The following KYNU variants were observed in gnomAD, a reference collection of about 807,000 sequenced individuals.
KYNU encodes the protein L-kynurenine hydrolase.
In KYNU, 54 loss-of-function variants were observed where a neutral mutation model predicts 59.2. The observed-to-expected ratio is 0.91, with a 90% confidence interval of 0.73 to 1.14. The LOEUF (loss-of-function observed/expected upper bound fraction) is 1.14. Ranked by LOEUF, KYNU falls within the 50% of genes most tolerant of loss-of-function variation. The pLI, the probability that KYNU is intolerant of heterozygous loss-of-function variation, is 0.00. For synonymous variants in KYNU, 177 were observed against 192.0 expected, an observed-to-expected ratio of 0.92 and a Z score of 0.65; for missense variants, 567 against 554.4, an observed-to-expected ratio of 1.02 and a Z score of -0.23.
intron 8 of KYNU, among the ~76,000 whole-genome samples, chr2:142,975,873 T>C (rs1684865548): frequency 6.6e-6 from 1 of 152,222 alleles, no homozygotes; most frequent in Non-Finnish European, 1.5e-5. Context: ...AAGTTAAAGA[T>C]ACTCATTTTT....
chr2:142,888,122 GA>G (rs1451774895), intron 2 of KYNU, among the ~76,000 whole-genome samples: 1 of 152,128 alleles, frequency 6.6e-6, no homozygotes, highest in Non-Finnish European at 1.5e-5. Flanking sequence ...ATAAGAGATA[GA>G]AATTGGTTTA....
chr2:143,021,903 T>A (rs1401331215), intron 10 of KYNU, among the ~76,000 whole-genome samples: 3 of 152,202 alleles, frequency 2.0e-5, no homozygotes, highest in Non-Finnish European at 4.4e-5. Flanking sequence ...TGTTCAAGTA[T>A]TTTTATTGTT....
Position 143,010,199 on chromosome 2 carries a change from C to G in KYNU, c.903-19428C>G, listed in dbSNP as rs1223776367. Among the ~76,000 whole-genome samples the G allele has an allele frequency of 2.5e-5, 3 of 121,444 alleles. No homozygotes were observed. In the Admixed American group the frequency reaches 2.5e-4, roughly 10 times the overall value. The allele number at this position is 121,444 out of a possible 152,430, so 79.7% of individuals were successfully genotyped here. On this transcript the variant is annotated intron_variant, in intron 10 of 13. Coordinates refer to ENST00000264170, the MANE Select transcript of KYNU (RefSeq NM_003937.3). ...CCCAAAATCTCCTTAAGCTGATAAG[C>G]AACTTCAGCAAAGTCTCAGGATACA...
At chr2:142,892,990 G>A (rs1415507729) in intron 2 of KYNU, among the ~76,000 whole-genome samples, 1 of 152,090 alleles carries the variant, frequency 6.6e-6, no homozygotes, top group Non-Finnish European at 1.5e-5. Flanking sequence ...CTAAGCCCCT[G>A]GGCCAGTGTT....
intron 2 of KYNU, among the ~76,000 whole-genome samples, chr2:142,904,798 C>A (rs1682228194): frequency 6.6e-6 from 1 of 152,098 alleles, no homozygotes; most frequent in African/African-American, 2.4e-5. Flanking sequence ...GTGTAACCAC[C>A]CATGGACCTC....
At chr2:142,996,725 G>A (rs143226640) in intron 10 of KYNU, among the ~76,000 whole-genome samples, 72 of 152,196 alleles carry the variant, frequency 4.7e-4, no homozygotes, top group African/African-American at 1.6e-3. Flanking sequence ...TTCCAACTAA[G>A]GAATTTTGAT....
At chr2:142,924,224 T>C (rs1682979245) in intron 3 of KYNU, among the ~76,000 whole-genome samples, 2 of 151,920 alleles carry the variant, frequency 1.3e-5, no homozygotes, top group African/African-American at 2.4e-5. Context: ...CCCACCTCAG[T>C]CTCCTGAGTA....
At chr2:142,961,580 T>C (rs1207215916) in intron 8 of KYNU, among the ~76,000 whole-genome samples, 1 of 152,230 alleles carries the variant, frequency 6.6e-6, no homozygotes, top group East Asian at 1.9e-4. Flanking sequence ...TCAAATTTTA[T>C]ACAAGTTACT....
At chr2:142,947,098 G>A (rs1005234190) in intron 4 of KYNU, 1 of 1,550,920 alleles carries the variant, frequency 6.4e-7, no homozygotes, top group East Asian at 2.4e-5. Context: ...TCCTTTTGTT[G>A]CTTTTTTCAG....
intron 2 of KYNU, among the ~76,000 whole-genome samples, chr2:142,897,517 A>G (rs1331186887): frequency 2.0e-5 from 3 of 152,316 alleles, no homozygotes; most frequent in East Asian, 3.9e-4. Flanking sequence ...AGATGCTTAT[A>G]TTTTTCTTGG....
At chr2:142,886,307 TG>T (rs1177290988) in intron 2 of KYNU, among the ~76,000 whole-genome samples, 5 of 152,234 alleles carry the variant, frequency 3.3e-5, no homozygotes, top group Admixed American at 6.5e-5. Context: ...GGTACAATTT[TG>T]GGTCCAGTAC....
intron 4 of KYNU, among the ~76,000 whole-genome samples, chr2:142,936,608 G>A (rs116420543): frequency 6.6e-6 from 1 of 152,326 alleles, no homozygotes; most frequent in African/African-American, 2.4e-5. Context: ...TGTCCCCTAA[G>A]AACAGATGAT....
rs1388403122 is a variant in KYNU at position 142,897,219 on chromosome 2, T to C, written c.169+11683T>C. ...TAATATTTATTCTGCAGCTGTTTGC[T>C]GGAGTGTTCTTTAAAAGCCAGTTAC... On this transcript the variant is annotated intron_variant, in intron 2 of 13. Transcript: ENST00000264170. 2.6e-5 allele frequency among the ~76,000 whole-genome samples: 4 copies of C among 152,358 alleles called. No homozygotes were observed. In the East Asian group the frequency reaches 7.7e-4, roughly 29 times the overall value.
intron 12 of KYNU, among the ~76,000 whole-genome samples, chr2:143,037,876 T>G (rs1021366657): frequency 6.6e-6 from 1 of 152,170 alleles, no homozygotes; most frequent in Non-Finnish European, 1.5e-5. Flanking sequence ...TTACCCTCTG[T>G]GAGATGAATT....
At chr2:143,030,387 C>T (rs988170686) in intron 11 of KYNU, among the ~76,000 whole-genome samples, 5 of 152,182 alleles carry the variant, frequency 3.3e-5, no homozygotes, top group East Asian at 1.9e-4. Context: ...AAAGATCATA[C>T]GTGCTTTGAG....
chr2:142,887,316 T>C (rs1390730334), intron 2 of KYNU, among the ~76,000 whole-genome samples: 1 of 152,148 alleles, frequency 6.6e-6, no homozygotes, highest in Non-Finnish European at 1.5e-5. Flanking sequence ...TTGGCTAGGA[T>C]ATAGAGTGAT....
chr2:142,922,994 A>T (rs2105003400), intron 3 of KYNU, among the ~76,000 whole-genome samples: 1 of 152,240 alleles, frequency 6.6e-6, no homozygotes, highest in East Asian at 1.9e-4. Context: ...TTCTTGCTGT[A>T]ACCTCATGTG....
chr2:143,042,380 G>C lies in KYNU; in HGVS notation c.*208G>C, dbSNP rs187113134. 726 of 503,828 alleles carry C rather than the reference G, an allele frequency of 1.4e-3. 5 individuals carry two copies. Among genetic ancestry groups the C allele is most frequent in the African/African-American group, 0.013 (673 of 51,472 alleles). The allele number at this position is 503,828 out of a possible 1,614,324, so 31.2% of individuals were successfully genotyped here. On this transcript the variant is annotated 3_prime_UTR_variant, in exon 14 of 14. Transcript: ENST00000264170. ...GGGCTGCCTAGGTGCTTTGTGTTTG[G>C]GGGACCAAAACTGTGTTGGTTCAAG...
At chr2:142,960,888 G>C in intron 8 of KYNU, 118 bp downstream of exon 8, 10 of 734,460 alleles carry the variant, frequency 1.4e-5, no homozygotes, top group Non-Finnish European at 1.7e-5. Flanking sequence ...TATTTCAAAA[G>C]TTAAAAAAAA....
Sources: gnomAD v4.1 joint callset for allele counts (sites outside exome capture counted in the v4.1 genomes callset) on GRCh38, gnomAD v4.1.1 for gene constraint, MANE v1.5 for transcripts, NCBI Gene and HGNC (gene_info 2026-07-23, HGNC 2026-07-21) for gene names.